The following ANGPTL5 variants were observed in gnomAD, a reference collection of about 807,000 sequenced individuals.
ANGPTL5 encodes the protein angiopoietin-related protein 5.
ANGPTL5 carries 34 observed loss-of-function variants against 39.4 expected under a neutral mutation model. The observed-to-expected ratio is 0.86, with a 90% CI of 0.66 to 1.15. ANGPTL5 has a LOEUF of 1.15. Ranked by LOEUF, ANGPTL5 falls within the 50% of genes most tolerant of loss-of-function variation. ANGPTL5 has a pLI of 0.00. For missense variants in ANGPTL5, 467 were observed against 457.5 expected, an observed-to-expected ratio of 1.02 and a Z score of -0.19; for synonymous variants, 146 against 152.1, an observed-to-expected ratio of 0.96 and a Z score of 0.29.
rs1939683902 is a variant in ANGPTL5 at position 101,891,119 on chromosome 11, T to G, written c.*160A>C. 3 of 595,196 alleles carry G rather than the reference T, an allele frequency of 5.0e-6. No individual in the cohort carries two copies. The East Asian group carries it at 8.6e-5, about 17-fold the overall frequency. The allele number at this position is 595,196 out of a possible 1,614,324, so 36.9% of individuals were successfully genotyped here. A position where few individuals can be genotyped will look rare whatever the true frequency, so the allele number is the denominator to read the frequency against. ...ATAAGCCATGTTTTCTTTTATAGAA[T>G]ACTACAAAATTGAAGTTTTCTAATT... is the stretch of plus-strand genomic sequence containing the variant. On this transcript the variant is annotated 3_prime_UTR_variant, in exon 9 of 9. Coordinates refer to ENST00000334289, the MANE Select transcript of ANGPTL5 (RefSeq NM_178127.5).
At position 101,909,057 on chromosome 11, in the gene ANGPTL5, C is replaced by G. The variant is rs183043101; in HGVS notation, c.-92-1056G>C. On this transcript the variant is annotated intron_variant, in intron 1 of 8. Transcript: ENST00000334289. ...ACTTTCCTGCATCTTCCTTCTGGTT[C>G]GAGACATTATTTTCTCCATCTCCTT... Among the ~76,000 whole-genome samples the G allele has an allele frequency of 3.9e-5, 6 of 152,200 alleles. No homozygotes were observed. The East Asian group carries it at 5.8e-4, about 15-fold the overall frequency.
At chr11:101,915,096 TGCCATC>T (rs1309040860) in intron 1 of ANGPTL5, 1 of 785,404 alleles carries the variant, frequency 1.3e-6, no homozygotes, top group Non-Finnish European at 1.9e-6. Flanking sequence ...CTGCCTCAGC[TGCCATC>T]GCCGCTACAG....
Position 101,907,985 on chromosome 11 carries a change from T to G in ANGPTL5, c.-76A>C. The G allele has an allele frequency of 9.4e-7, 1 of 1,059,202 alleles. No individual in the cohort carries two copies. Among genetic ancestry groups the G allele is most frequent in the Non-Finnish European group, 1.4e-6 (1 of 695,446 alleles). 65.6% of individuals were successfully genotyped at this position (1,059,202 alleles called of 1,614,324 possible). On this transcript the variant is annotated 5_prime_UTR_variant, in exon 2 of 9. Transcript: ENST00000334289. ...GTGGAAAGAACTACAGAGCATAGAG[T>G]CTTCAGTTAAAAACCTCTGGAAAGC...
At chr11:101,897,347 C>T (rs1038134762) in intron 7 of ANGPTL5, among the ~76,000 whole-genome samples, 1 of 152,162 alleles carries the variant, frequency 6.6e-6, no homozygotes, top group Non-Finnish European at 1.5e-5. Flanking sequence ...TGTGCAGGAG[C>T]TCTTTAGTTT....
intron 6 of ANGPTL5, among the ~76,000 whole-genome samples, chr11:101,901,243 A>G (rs1050262698): frequency 2.0e-5 from 3 of 151,956 alleles, no homozygotes; most frequent in Non-Finnish European, 4.4e-5. Flanking sequence ...AGTTTGTATA[A>G]CAGTATTGCT....
At chr11:101,897,981 T>G (rs1202681294) in intron 7 of ANGPTL5, among the ~76,000 whole-genome samples, 2 of 152,148 alleles carry the variant, frequency 1.3e-5, no homozygotes, top group Non-Finnish European at 2.9e-5. Context: ...CCCAGCACTT[T>G]GGGAGGCCGA....
chr11:101,898,887 G>A (rs531998405), intron 7 of ANGPTL5, among the ~76,000 whole-genome samples: 15 of 152,192 alleles, frequency 9.9e-5, no homozygotes, highest in Admixed American at 4.6e-4. Flanking sequence ...GCTTTTCTGC[G>A]TTTATTGAGA....
chr11:101,893,667 C>G (rs974809563), intron 8 of ANGPTL5, among the ~76,000 whole-genome samples: 35 of 152,228 alleles, frequency 2.3e-4, no homozygotes, highest in African/African-American at 7.9e-4. Flanking sequence ...TATATTCCAC[C>G]TTTAGATAGT....
intron 1 of ANGPTL5, chr11:101,915,320 C>G: frequency 6.2e-7 from 1 of 1,613,844 alleles, no homozygotes. Flanking sequence ...GGAGCGCGGT[C>G]GGGGAACTGG....
intron 1 of ANGPTL5, among the ~76,000 whole-genome samples, chr11:101,914,010 TG>T (rs1451260790): frequency 6.6e-6 from 1 of 152,262 alleles, no homozygotes; most frequent in Non-Finnish European, 1.5e-5. Context: ...GGATTTGTTG[TG>T]GCACTTTAAA....
intron 7 of ANGPTL5, among the ~76,000 whole-genome samples, chr11:101,900,140 A>G (rs1455934021): frequency 1.3e-5 from 2 of 152,178 alleles, no homozygotes; most frequent in Non-Finnish European, 2.9e-5. Flanking sequence ...ACCGTTGGTG[A>G]GCACCTGCCA....
chr11:101,897,348 T>G (rs1939817924), intron 7 of ANGPTL5, among the ~76,000 whole-genome samples: 1 of 152,220 alleles, frequency 6.6e-6, no homozygotes, highest in African/African-American at 2.4e-5. Flanking sequence ...GTGCAGGAGC[T>G]CTTTAGTTTA....
rs77442914 is a variant in ANGPTL5, at chr11:101,900,854, T to C, written c.541-304A>G. Among the ~76,000 whole-genome samples the C allele has an allele frequency of 2.7e-3, 407 of 151,802 alleles. 2 individuals are homozygous for C. The highest frequency in any genetic ancestry group is 8.1e-3 in the African/African-American group (336 of 41,420). Reference sequence around the variant, plus strand: ...AAAATATGTATTTGCAGCTTTTTTTTCCCCCCTTTTTTTTTGAGACAGAAT... The same window carrying C: ...AAAATATGTATTTGCAGCTTTTTTTCCCCCCCTTTTTTTTTGAGACAGAAT... On this transcript the variant is annotated intron_variant, in intron 6 of 8. Coordinates refer to ENST00000334289, the MANE Select transcript of ANGPTL5 (RefSeq NM_178127.5).
At chr11:101,906,743 A>G (rs972703874) in intron 3 of ANGPTL5, among the ~76,000 whole-genome samples, 6 of 152,110 alleles carry the variant, frequency 3.9e-5, no homozygotes, top group African/African-American at 1.4e-4. Context: ...AAAAATCTTG[A>G]TATTTTTAAT....
Position 101,900,469 on chromosome 11 carries a change from A to C in ANGPTL5, c.622T>G (p.Leu208Val). 1 of 1,613,498 alleles carries C rather than the reference A, an allele frequency of 6.2e-7. No homozygotes were observed. The highest frequency in any genetic ancestry group is 1.1e-5 in the South Asian group (1 of 91,068). Residue 208 changes from leucine (L) to valine (V), a missense_variant, in exon 7 of 9, where the codon TTG becomes GTG. By Grantham distance (32) the Leu-to-Val change is conservative. Transcript: ENST00000334289. ...AATCCATCCAGATAATCACACCACA[A>C]CCTCTGGAAATCAATTATCCCATCA... ...RIDGIIDFQR[L>V]WCDYLDGFGD...
At chr11:101,898,133 G>A (rs1357416881) in intron 7 of ANGPTL5, among the ~76,000 whole-genome samples, 4 of 152,084 alleles carry the variant, frequency 2.6e-5, no homozygotes, top group Admixed American at 6.5e-5. Flanking sequence ...TGAGGCAGGA[G>A]AATCGCTTGA....
intron 7 of ANGPTL5, among the ~76,000 whole-genome samples, chr11:101,895,286 T>C (rs1391087007): frequency 6.6e-6 from 1 of 152,090 alleles, no homozygotes; most frequent in Non-Finnish European, 1.5e-5. Context: ...AATCAGACCC[T>C]TTTTCATTTT....
intron 1 of ANGPTL5, among the ~76,000 whole-genome samples, chr11:101,909,477 T>A (rs1940054635): frequency 6.6e-6 from 1 of 152,240 alleles, no homozygotes; most frequent in African/African-American, 2.4e-5. Context: ...TATTGATGAC[T>A]TTTATAATTT....
chr11:101,915,736 T>G lies in ANGPTL5; in HGVS notation c.-93+283A>C, dbSNP rs979263521. ...GCCATTATGTTCTTTACTTACATAT[T>G]AACTACTTCCTGATTTATCGTACTA... is the stretch of plus-strand genomic sequence containing the variant. On this transcript the variant is annotated intron_variant, in intron 1 of 8. Coordinates refer to ENST00000334289, the MANE Select transcript of ANGPTL5 (RefSeq NM_178127.5). Among the ~76,000 whole-genome samples, 3 of 152,242 alleles carry G rather than the reference T, an allele frequency of 2.0e-5. No individual in the cohort carries two copies. The East Asian group carries it at 5.8e-4, about 29-fold the overall frequency.
Sources: gnomAD v4.1 joint callset for allele counts (sites outside exome capture counted in the v4.1 genomes callset) on GRCh38, gnomAD v4.1.1 for gene constraint, MANE v1.5 for transcripts, NCBI Gene and HGNC (gene_info 2026-07-23, HGNC 2026-07-21) for gene names.